The following KCNH1 variants were observed in gnomAD, a reference collection of about 807,000 sequenced individuals.
The protein encoded by KCNH1 is voltage-gated delayed rectifier potassium channel KCNH1.
In KCNH1, 27 loss-of-function variants were observed where a neutral mutation model predicts 69.2. That is an observed-to-expected ratio of 0.39 (90% confidence interval 0.29 to 0.54). The LOEUF is 0.54. Ranked by LOEUF, KCNH1 falls within the 20% of genes least tolerant of loss-of-function variation. The pLI is 0.68. For synonymous variants in KCNH1, 456 were observed against 487.7 expected (o/e 0.93, Z 0.86); for missense variants, 798 against 1,261.6 (o/e 0.63, Z 5.57).
At chr1:210,722,158 T>C (rs1221669839) in intron 10 of KCNH1, among the ~76,000 whole-genome samples, 1 of 152,140 alleles carries the variant, frequency 6.6e-6, no homozygotes, top group African/African-American at 2.4e-5. Context: ...CGTTAAAAGA[T>C]TACACATTAA....
At chr1:210,775,290 T>C in intron 10 of KCNH1, 58 bp downstream of exon 10, 8 of 1,456,810 alleles carry the variant, frequency 5.5e-6, no homozygotes, top group Non-Finnish European at 7.6e-6. Context: ...GTCACAGTGA[T>C]TATCCAAAGT....
chr1:210,732,122 C>A (rs2149031920), intron 10 of KCNH1, among the ~76,000 whole-genome samples: 1 of 151,866 alleles, frequency 6.6e-6, no homozygotes, highest in South Asian at 2.1e-4. Context: ...TAGCTGCAAC[C>A]CCCACCATCA....
intron 7 of KCNH1, among the ~76,000 whole-genome samples, chr1:210,817,624 T>G (rs925562284): frequency 2.1e-4 from 32 of 152,136 alleles, no homozygotes; most frequent in Non-Finnish European, 4.1e-4. Flanking sequence ...ACATGTCAAC[T>G]GTGTGCTAGA....
chr1:211,013,176 A>G (rs1571578095), intron 6 of KCNH1, among the ~76,000 whole-genome samples: 1 of 152,236 alleles, frequency 6.6e-6, no homozygotes, highest in Non-Finnish European at 1.5e-5. Flanking sequence ...ACTGACAGCC[A>G]TAAGTTAACA....
chr1:210,993,484 A>G (rs1157918228), intron 6 of KCNH1, among the ~76,000 whole-genome samples: 1 of 152,170 alleles, frequency 6.6e-6, no homozygotes, highest in Non-Finnish European at 1.5e-5. Flanking sequence ...AAAAGCCTCC[A>G]TCGTTGATTG....
At chr1:210,925,382 T>C (rs1687547192) in intron 6 of KCNH1, among the ~76,000 whole-genome samples, 1 of 152,192 alleles carries the variant, frequency 6.6e-6, no homozygotes, top group African/African-American at 2.4e-5. Context: ...ACAGACCCTT[T>C]GAAGGAACTT....
intron 9 of KCNH1, among the ~76,000 whole-genome samples, chr1:210,779,490 G>C (rs1441357465): frequency 6.6e-6 from 1 of 152,158 alleles, no homozygotes; most frequent in Non-Finnish European, 1.5e-5. Context: ...CCCAGGTCAG[G>C]GTTGCAAATC....
intron 1 of KCNH1, among the ~76,000 whole-genome samples, chr1:211,129,512 A>G (rs1428332067): frequency 8.5e-5 from 13 of 152,232 alleles, no homozygotes; most frequent in Non-Finnish European, 7.3e-5. Context: ...TCAGCTTCTC[A>G]ATCCCCCATC....
chr1:210,984,554 C>T (rs1327271703), intron 6 of KCNH1, among the ~76,000 whole-genome samples: 1 of 152,154 alleles, frequency 6.6e-6, no homozygotes, highest in East Asian at 1.9e-4. Context: ...GTCACTGGTT[C>T]TGTTTATATG....
At chr1:210,752,996 T>A (rs1236549433) in intron 10 of KCNH1, among the ~76,000 whole-genome samples, 1 of 151,942 alleles carries the variant, frequency 6.6e-6, no homozygotes, top group East Asian at 1.9e-4. Flanking sequence ...AATGATGTGG[T>A]CACAAGCCAA....
At chr1:210,887,580 A>G (rs780373693) in intron 7 of KCNH1, among the ~76,000 whole-genome samples, 17 of 152,270 alleles carry the variant, frequency 1.1e-4, no homozygotes, top group Non-Finnish European at 1.3e-4. Context: ...AAATGCCCCA[A>G]TTAAAAGACA....
At chr1:211,002,453 G>A (rs1689207114) in intron 6 of KCNH1, among the ~76,000 whole-genome samples, 1 of 151,262 alleles carries the variant, frequency 6.6e-6, no homozygotes, top group African/African-American at 2.4e-5. Context: ...ACTAGCACAT[G>A]AAGAGATAAA....
At chr1:211,021,437 T>C (rs1423751892) in intron 5 of KCNH1, among the ~76,000 whole-genome samples, 1 of 152,134 alleles carries the variant, frequency 6.6e-6, no homozygotes, top group African/African-American at 2.4e-5. Context: ...TTTTCACCAC[T>C]GTTATTCAAC....
At chr1:210,883,450 A>G (rs560416671) in intron 7 of KCNH1, among the ~76,000 whole-genome samples, 1 of 152,306 alleles carries the variant, frequency 6.6e-6, no homozygotes, top group South Asian at 2.1e-4. Context: ...ATGTATCCTA[A>G]CAATTGTTGG....
chr1:211,073,823 C>A (rs2102459853), intron 5 of KCNH1, among the ~76,000 whole-genome samples: 1 of 151,566 alleles, frequency 6.6e-6, no homozygotes, highest in Admixed American at 6.6e-5. Context: ...CAAATTAAAT[C>A]CAAAGTAAGC....
At chr1:211,092,549 T>G (rs1691070877) in intron 3 of KCNH1, among the ~76,000 whole-genome samples, 1 of 152,218 alleles carries the variant, frequency 6.6e-6, no homozygotes, top group Admixed American at 6.5e-5. Context: ...CAGATTATAA[T>G]GTCACCTTAA....
intron 7 of KCNH1, among the ~76,000 whole-genome samples, chr1:210,917,268 A>AAAGG (rs1687363286): frequency 6.7e-6 from 1 of 150,050 alleles, no homozygotes; most frequent in African/African-American, 2.5e-5. Flanking sequence ...AGAAAGAAAG[A>AAAGG]AAGAAAGAAA....
At chr1:210,749,002 C>T (rs959114555) in intron 10 of KCNH1, among the ~76,000 whole-genome samples, 2 of 152,356 alleles carry the variant, frequency 1.3e-5, no homozygotes, top group African/African-American at 4.8e-5. Flanking sequence ...TCTGCTCCGG[C>T]TTCCTCCTCT....
intron 9 of KCNH1, among the ~76,000 whole-genome samples, chr1:210,783,512 A>G (rs543060076): frequency 2.9e-4 from 44 of 152,206 alleles, no homozygotes; most frequent in Non-Finnish European, 6.2e-4. Flanking sequence ...CCATCTGTTC[A>G]AGTTCTGACT....
Sources: allele counts gnomAD v4.1 joint callset (sites outside exome capture counted in the v4.1 genomes callset), GRCh38; gene constraint gnomAD v4.1.1; transcripts MANE v1.5; gene names NCBI Gene and HGNC (gene_info 2026-07-23, HGNC 2026-07-21).